SLC37A2: variants seen among roughly 807,000 people sequenced by gnomAD.
SLC37A2 encodes solute carrier family 37 member 2, also known as glucose-6-phosphate exchanger SLC37A2.
A neutral mutation model predicts 70.7 loss-of-function variants in SLC37A2; 59 were observed. The ratio of observed to expected loss-of-function variants is 0.83; its 90% CI spans 0.68 to 1.04. The LOEUF (loss-of-function observed/expected upper bound fraction) is 1.04. Ranked by LOEUF, SLC37A2 falls within the 50% of genes least tolerant of loss-of-function variation. The probability of loss-of-function intolerance (pLI) is 0.00; values close to 1 mark genes in which losing one functional copy is unlikely to be tolerated. For synonymous variants in SLC37A2, 257 were observed against 262.1 expected (o/e 0.98, Z 0.19); for missense variants, 580 against 658.1 (o/e 0.88, Z 1.30).
At position 125,083,106 on chromosome 11, in the gene SLC37A2, C is replaced by T. The variant is rs1458567003; in HGVS notation, c.977-709C>T. The T allele has an allele frequency of 6.6e-6, 1 of 152,528 alleles. No individual in the cohort carries two copies. Among genetic ancestry groups the T allele is most frequent in the Non-Finnish European group, 1.5e-5 (1 of 68,318 alleles). The allele number at this position is 152,528 out of a possible 1,614,324, so 9.4% of individuals were successfully genotyped here. A position where few individuals can be genotyped will look rare whatever the true frequency, so the allele number is the denominator to read the frequency against. Reference sequence around the variant, plus strand: ...CAGCCCTGGGGAGGAACAACAGTGCCTTGCCACACATTGTGCTCGCTCTGA... The same window carrying T: ...CAGCCCTGGGGAGGAACAACAGTGCTTTGCCACACATTGTGCTCGCTCTGA... On this transcript the variant is annotated intron_variant, in intron 10 of 17. Transcript: ENST00000403796. This position sits in a 1 kb window ranked among gnomAD's most constrained non-coding sequence, Gnocchi z 4.6.
chr11:125,083,871 A>G lies in SLC37A2; in HGVS notation c.1033A>G (p.Ile345Val), dbSNP rs1949176000. The change falls in exon 11 of 18, where the codon ATC (isoleucine) becomes GTC (valine). Residue 345 changes from isoleucine to valine, a missense_variant. By Grantham distance (29) the Ile-to-Val change is conservative. Transcript: ENST00000403796. This position sits in a 1 kb window ranked among gnomAD's most constrained non-coding sequence, Gnocchi z 4.6. ...GTCTACACTCTTCGATGTTGGTGGC[A>G]TCATAGGTGAGGCCTTGCCCTGCTC... ...DLSTLFDVGG[I>V]IGGIVAGLVS... 6.2e-7 allele frequency: 1 copy of G among 1,614,046 alleles called. No individual in the cohort carries two copies.
At position 125,063,876 on chromosome 11, in the gene SLC37A2, C is replaced by G. The variant is rs1467307929; in HGVS notation, c.59+450C>G. 6.6e-6 allele frequency among the ~76,000 whole-genome samples: 1 copy of G among 152,198 alleles called. No individual in the cohort carries two copies. Among genetic ancestry groups the G allele is most frequent in the Non-Finnish European group, 1.5e-5 (1 of 68,044 alleles). On this transcript the variant is annotated intron_variant, in intron 1 of 17. Coordinates refer to ENST00000403796, the MANE Select transcript of SLC37A2 (RefSeq NM_001145290.2). This position sits in a 1 kb window ranked among gnomAD's most constrained non-coding sequence, Gnocchi z 5.4. Reference sequence around the variant, plus strand: ...GTCCCTCTTGGTCTCCTTTAGCCCTCGAACACCAAGGCCAGAACTCAGTGG... The same window carrying G: ...GTCCCTCTTGGTCTCCTTTAGCCCTGGAACACCAAGGCCAGAACTCAGTGG...
Position 125,063,389 on chromosome 11 carries a change from G to A in SLC37A2, c.22G>A (p.Gly8Arg), listed in dbSNP as rs1457244955. ...CAAAATGCGGTCCTCCCTGGCTCCG[G>A]GAGTCTGGTTCTTCCGGGCCTTCTC... is the stretch of plus-strand genomic sequence containing the variant. MRSSLAP[G>R]VWFFRAFSRD... Residue 8 changes from glycine to arginine, a missense_variant, in exon 1 of 18, where the codon GGA (glycine) becomes AGA (arginine). Gly to Arg is a moderately radical substitution (Grantham distance 125). Transcript: ENST00000403796. The surrounding 1 kb of genome is among the most constrained non-coding windows in gnomAD (Gnocchi z 5.4). 6.2e-7 allele frequency: 1 copy of A among 1,612,018 alleles called. No individual in the cohort carries two copies. Among genetic ancestry groups the A allele is most frequent in the Non-Finnish European group, 8.5e-7 (1 of 1,179,254 alleles).
At chr11:125,081,321 G>C (rs961486465) in intron 7 of SLC37A2, 100 bp from the exon 8 acceptor site, 40 of 1,237,620 alleles carry the variant, frequency 3.2e-5, no homozygotes, top group Non-Finnish European at 4.4e-5. Flanking sequence ...CTGGTTCCCG[G>C]GATGGCTTAG....
rs1235809832 is a variant in SLC37A2 at position 125,063,918 on chromosome 11, C to G, written c.59+492C>G. Among the ~76,000 whole-genome samples the G allele has an allele frequency of 3.9e-5, 6 of 152,156 alleles. No homozygotes were observed. The East Asian group carries it at 5.8e-4, about 15-fold the overall frequency. ...ACTCAGTGGTCCTGGGAGCTCGTCT[C>G]GAGGCCTTTCAGCACCTGGAAAGGG... is the stretch of plus-strand genomic sequence containing the variant. On this transcript the variant is annotated intron_variant, in intron 1 of 17. Transcript: ENST00000403796. This position sits in a 1 kb window ranked among gnomAD's most constrained non-coding sequence, Gnocchi z 5.4.
Position 125,085,947 on chromosome 11 carries a change from T to A in SLC37A2, c.1426-7T>A. On this transcript the variant is annotated splice_region_variant and splice_polypyrimidine_tract_variant and intron_variant, in intron 16 of 17. Transcript: ENST00000403796. The stretch of plus-strand genomic sequence containing the variant: ...CCTCCCTTCCCTCTGTGCCTTGTGC[T>A]CCACAGCTCCTTTGCCGGTTAGTAT... The A allele has an allele frequency of 6.2e-7, 1 of 1,613,952 alleles. No individual in the cohort carries two copies. Among genetic ancestry groups the A allele is most frequent in the Non-Finnish European group, 8.5e-7 (1 of 1,179,826 alleles).
intron 1 of SLC37A2, among the ~76,000 whole-genome samples, chr11:125,066,179 A>T (rs1948978339): frequency 6.6e-6 from 1 of 152,220 alleles, no homozygotes; most frequent in South Asian, 2.1e-4. Context: ...TCCATCAGAA[A>T]CTTATATCCA....
rs1949245484 is a variant in SLC37A2 at position 125,088,281 on chromosome 11, C to G, written c.*147C>G. 2 of 848,216 alleles carry G rather than the reference C, an allele frequency of 2.4e-6. No homozygotes were observed. The highest frequency in any genetic ancestry group is 5.0e-5 in the Admixed American group (2 of 40,078). The allele number at this position is 848,216 out of a possible 1,614,324, so 52.5% of individuals were successfully genotyped here. On this transcript the variant is annotated 3_prime_UTR_variant, in exon 18 of 18. Transcript: ENST00000403796. ...AGCCCAGCCCAGACCCCAGGGCTGC[C>G]TAAGGACACAGAGATTCTCCATGGG... is the stretch of plus-strand genomic sequence containing the variant.
intron 1 of SLC37A2, among the ~76,000 whole-genome samples, chr11:125,075,603 G>T (rs1949076163): frequency 6.6e-6 from 1 of 152,242 alleles, no homozygotes; most frequent in African/African-American, 2.4e-5. Context: ...AGTCTCTCAA[G>T]AAGACAGACA....
chr11:125,078,511 C>G (rs113050365), intron 4 of SLC37A2, among the ~76,000 whole-genome samples: 1,854 of 152,142 alleles, frequency 0.012, 40 homozygotes, highest in African/African-American at 0.043. Flanking sequence ...TAAGAGGTAG[C>G]CCGGTGAGTC....
In SLC37A2 at chr11:125,079,723, G is replaced by T. The variant is rs757200110; in HGVS notation, c.490G>T (p.Val164Leu). 6.2e-7 allele frequency: 1 copy of T among 1,609,948 alleles called. No individual in the cohort carries two copies. The highest frequency in any genetic ancestry group is 8.5e-7 in the Non-Finnish European group (1 of 1,178,156). Residue 164 changes from valine to leucine, a missense_variant, in exon 6 of 18, where the codon GTG becomes TTG. Physicochemically the swap from Val to Leu is conservative, Grantham distance 32 (BLOSUM62 1). Coordinates refer to ENST00000403796, the MANE Select transcript of SLC37A2 (RefSeq NM_001145290.2). ...GLVQTTGWPS[V>L]VTCVGNWFGK... ...CGTCCAGACCACAGGCTGGCCCTCT[G>T]TGGTGACCTGTGTTGGCAACTGGTT...
chr11:125,084,213 G>A (rs774075649), intron 11 of SLC37A2, 21 bp from the exon 12 acceptor site: 37 of 1,613,988 alleles, frequency 2.3e-5, no homozygotes, highest in East Asian at 4.5e-5. Flanking sequence ...GAGTCAGTGC[G>A]TGAGTGGCTG....
At position 125,083,498 on chromosome 11, in the gene SLC37A2, G is replaced by A. The variant is rs1949171157; in HGVS notation, c.977-317G>A. The A allele has an allele frequency of 6.4e-6, 2 of 311,412 alleles. No homozygotes were observed. Among genetic ancestry groups the A allele is most frequent in the Non-Finnish European group, 6.1e-6 (1 of 164,030 alleles). The allele number at this position is 311,412 out of a possible 1,614,324, so 19.3% of individuals were successfully genotyped here. ...AAAGGGCTGGGCTGAGCTTCAGGTTGCGCTCCAGGGGAAAGGTGGCCACGG... is the reference window on the plus strand; with the variant it reads ...AAAGGGCTGGGCTGAGCTTCAGGTTACGCTCCAGGGGAAAGGTGGCCACGG... On this transcript the variant is annotated intron_variant, in intron 10 of 17. Transcript: ENST00000403796. This position sits in a 1 kb window ranked among gnomAD's most constrained non-coding sequence, Gnocchi z 4.6.
rs2135555128 is a variant in SLC37A2, at chr11:125,063,490, G to GC, written c.59+64_59+65insC. 3 of 1,462,730 alleles carry GC rather than the reference G, an allele frequency of 2.1e-6. No individual in the cohort carries two copies. The South Asian group carries it at 3.6e-5, about 18-fold the overall frequency. 90.6% of individuals were successfully genotyped at this position (1,462,730 alleles called of 1,614,324 possible). On this transcript the variant is annotated intron_variant, in intron 1 of 17. Coordinates refer to ENST00000403796, the MANE Select transcript of SLC37A2 (RefSeq NM_001145290.2). The surrounding 1 kb of genome is among the most constrained non-coding windows in gnomAD (Gnocchi z 5.4). ...TGGGCTCGGGGCTTGCAGGGGCCGC[G>GC]GGGGGCCTCGGAGATCACCCCAGAT...
In SLC37A2 at chr11:125,079,743, C is replaced by G. The variant is rs551207417; in HGVS notation, c.510C>G (p.Asn170Lys). The stretch of plus-strand genomic sequence containing the variant: ...CCTCTGTGGTGACCTGTGTTGGCAA[C>G]TGGTTCGGGAAGGGGAAGTGAGTGT... ...GWPSVVTCVG[N>K]WFGKGKRGFI... Residue 170 changes from asparagine (N) to lysine (K), a missense_variant, in exon 6 of 18, where the codon AAC becomes AAG. Physicochemically the swap from Asn to Lys is moderately conservative, Grantham distance 94 (BLOSUM62 0). Transcript: ENST00000403796. 1 of 1,609,862 alleles carries G rather than the reference C, an allele frequency of 6.2e-7. No individual in the cohort carries two copies. Among genetic ancestry groups the G allele is most frequent in the East Asian group, 2.2e-5 (1 of 44,828 alleles).
rs1367817889 is a variant in SLC37A2 at position 125,088,107 on chromosome 11, C to T, written c.1491-12C>T. On this transcript the variant is annotated splice_polypyrimidine_tract_variant and intron_variant, in intron 17 of 17. Coordinates refer to ENST00000403796, the MANE Select transcript of SLC37A2 (RefSeq NM_001145290.2). ...CACTTTCTCTTCTGTCCCCCCTCTC[C>T]TCTTCATGCAGGTATAAAGAAATAT... The T allele has an allele frequency of 6.4e-7, 1 of 1,551,918 alleles. No homozygotes were observed. Among genetic ancestry groups the T allele is most frequent in the Admixed American group, 2.0e-5 (1 of 50,986 alleles).
chr11:125,075,094 C>T (rs1184639647), intron 1 of SLC37A2, among the ~76,000 whole-genome samples: 1 of 152,138 alleles, frequency 6.6e-6, no homozygotes, highest in Admixed American at 6.5e-5. Flanking sequence ...TAGGGATTCA[C>T]GGGAGGTTAC....
At chr11:125,079,508 A>C (rs974011313) in intron 5 of SLC37A2, among the ~76,000 whole-genome samples, 176 bp from the exon 6 acceptor site, 8 of 152,162 alleles carry the variant, frequency 5.3e-5, no homozygotes, top group South Asian at 2.1e-4. Context: ...GAGAGAAGCC[A>C]GCTCATGCCA....
At chr11:125,073,348 C>T (rs997780315) in intron 1 of SLC37A2, among the ~76,000 whole-genome samples, 7 of 152,200 alleles carry the variant, frequency 4.6e-5, no homozygotes, top group Non-Finnish European at 7.4e-5. Flanking sequence ...CTATGCACAG[C>T]GGGAGGCGGG....
Sources: gnomAD v4.1 joint callset for allele counts (sites outside exome capture counted in the v4.1 genomes callset) on GRCh38, gnomAD v4.1.1 for gene constraint, Gnocchi (gnomAD v3.1) non-coding constraint, MANE v1.5 for transcripts, NCBI Gene and HGNC (gene_info 2026-07-23, HGNC 2026-07-21) for gene names.